ARFGEF1: variants seen among roughly 807,000 people sequenced by gnomAD.
ARFGEF1 encodes the protein brefeldin A-inhibited guanine nucleotide-exchange protein 1.
ARFGEF1 carries 42 observed loss-of-function variants against 231.0 expected under a neutral mutation model. That is an observed-to-expected ratio of 0.18 (90% CI 0.14 to 0.24). ARFGEF1 has a LOEUF of 0.24. Among genes scored for constraint, ARFGEF1 ranks in the 10% least tolerant of loss-of-function variants. The pLI, the probability that ARFGEF1 is intolerant of heterozygous loss-of-function variation, is 1.00. For missense variants in ARFGEF1, 1,345 were observed against 2,192.0 expected, an observed-to-expected ratio of 0.61 and a Z score of 7.72; for synonymous variants, 710 against 732.3, an observed-to-expected ratio of 0.97 and a Z score of 0.49.
intron 26 of ARFGEF1, 50 bp from the exon 27 acceptor site, chr8:67,227,359 C>G (rs772737936): frequency 6.3e-7 from 1 of 1,596,438 alleles, no homozygotes; most frequent in South Asian, 1.1e-5. Flanking sequence ...TAAAACTCAT[C>G]AGTTTTTCCC....
intron 19 of ARFGEF1, among the ~76,000 whole-genome samples, chr8:67,245,290 C>A (rs1840069890): frequency 6.6e-6 from 1 of 150,394 alleles, no homozygotes; most frequent in African/African-American, 2.5e-5. Context: ...GTACACAACT[C>A]ACTGGTTATA....
At chr8:67,230,324 T>C (rs1839513683) in intron 23 of ARFGEF1, among the ~76,000 whole-genome samples, 1 of 152,106 alleles carries the variant, frequency 6.6e-6, no homozygotes. Flanking sequence ...ATCATGTGCT[T>C]TTTAAAAAGC....
At chr8:67,223,140 TG>T (rs1839258293) in intron 29 of ARFGEF1, among the ~76,000 whole-genome samples, 2 of 152,216 alleles carry the variant, frequency 1.3e-5, no homozygotes, top group Admixed American at 1.3e-4. Context: ...TAGAGAATTT[TG>T]GAAGAATTAA....
rs1011769256 is a variant in ARFGEF1 at position 67,335,666 on chromosome 8, A to C, written c.124+7498T>G. 3.9e-5 allele frequency among the ~76,000 whole-genome samples: 6 copies of C among 152,318 alleles called. No individual in the cohort carries two copies. The East Asian group carries it at 1.2e-3, about 29-fold the overall frequency. On this transcript the variant is annotated intron_variant, in intron 1 of 38. Transcript: ENST00000262215. Reference sequence around the variant, plus strand: ...CTGATTAAATGAAGTCTCAATGTACACATTTTTGTTAAGAAAAATTAATAG... The same window carrying C: ...CTGATTAAATGAAGTCTCAATGTACCCATTTTTGTTAAGAAAAATTAATAG...
chr8:67,337,256 G>C (rs1039150699), intron 1 of ARFGEF1, among the ~76,000 whole-genome samples: 3 of 150,876 alleles, frequency 2.0e-5, no homozygotes, highest in Non-Finnish European at 4.4e-5. Context: ...ACATATAAAA[G>C]GCAGGATGAA....
intron 29 of ARFGEF1, among the ~76,000 whole-genome samples, chr8:67,224,412 A>C (rs1276467303): frequency 6.6e-6 from 1 of 152,196 alleles, no homozygotes; most frequent in East Asian, 1.9e-4. Context: ...GTTCATAATG[A>C]TCTTTTATTG....
chr8:67,257,142 G>A (rs1180337281), intron 17 of ARFGEF1, among the ~76,000 whole-genome samples: 4 of 151,858 alleles, frequency 2.6e-5, no homozygotes, highest in African/African-American at 7.3e-5. Context: ...GCAGTGACAC[G>A]ATCTCAGCTC....
chr8:67,251,515 T>A, intron 18 of ARFGEF1, 65 bp from the exon 19 acceptor site: 2 of 1,377,872 alleles, frequency 1.5e-6, no homozygotes, highest in Non-Finnish European at 1.9e-6. Flanking sequence ...TTTGATATTT[T>A]ACTATCAAAT....
chr8:67,266,243 A>G (rs112534418), intron 13 of ARFGEF1, 36 bp from the exon 14 acceptor site: 21,117 of 1,550,676 alleles, frequency 0.014, 539 homozygotes, highest in African/African-American at 0.045. Flanking sequence ...ACATTATTCT[A>G]TCAAAGAAAA....
At chr8:67,319,420 T>C (rs1162892714) in intron 1 of ARFGEF1, among the ~76,000 whole-genome samples, 3 of 152,026 alleles carry the variant, frequency 2.0e-5, no homozygotes, top group Non-Finnish European at 4.4e-5. Flanking sequence ...AGATGATTAA[T>C]TTTTGACAAA....
At chr8:67,261,830 CTTTTTTTTTTTTT>C (rs34170422) in intron 14 of ARFGEF1, among the ~76,000 whole-genome samples, 1 of 118,006 alleles carries the variant, frequency 8.5e-6, no homozygotes, top group Admixed American at 8.7e-5. Context: ...AATTTCAAGT[CTTTTTTTTTTTTT>C]TTTTTTTTTA....
chr8:67,219,617 A>G, intron 29 of ARFGEF1, 57 bp from the exon 30 acceptor site: 2 of 1,516,720 alleles, frequency 1.3e-6, no homozygotes, highest in Non-Finnish European at 1.8e-6. Context: ...ACTTCTCCTA[A>G]AATAGTTTTT....
At chr8:67,241,277 C>A (rs1839918346) in intron 19 of ARFGEF1, among the ~76,000 whole-genome samples, 1 of 152,120 alleles carries the variant, frequency 6.6e-6, no homozygotes, top group Admixed American at 6.5e-5. Context: ...TCTCTCTGAA[C>A]CTCACTTTTC....
chr8:67,234,303 A>C (rs976603399), intron 22 of ARFGEF1, among the ~76,000 whole-genome samples: 4 of 152,192 alleles, frequency 2.6e-5, no homozygotes, highest in African/African-American at 9.6e-5. Context: ...ATGCAATGTA[A>C]TGACTACTTC....
chr8:67,196,932 AAGAG>A (rs1449480309), downstream of ARFGEF1, among the ~76,000 whole-genome samples: 2 of 151,946 alleles, frequency 1.3e-5, no homozygotes, highest in Non-Finnish European at 2.9e-5. Context: ...TTCATTATCT[AAGAG>A]AGGTGTGAAA....
chr8:67,324,642 T>C (rs1807746909), intron 1 of ARFGEF1, among the ~76,000 whole-genome samples: 1 of 152,228 alleles, frequency 6.6e-6, no homozygotes, highest in African/African-American at 2.4e-5. Flanking sequence ...ATTTATCAAT[T>C]CTAACATCTA....
Position 67,244,230 on chromosome 8 carries a change from G to C in ARFGEF1, c.2851-3940C>G, listed in dbSNP as rs185031074. Reference sequence around the variant, plus strand: ...TGCACTCCAGCCTGGGCGACAAAGCGAGACTCCACCTCAAAAAAAAAAAAA... The same window carrying C: ...TGCACTCCAGCCTGGGCGACAAAGCCAGACTCCACCTCAAAAAAAAAAAAA... On this transcript the variant is annotated intron_variant, in intron 19 of 38. Coordinates refer to ENST00000262215, the MANE Select transcript of ARFGEF1 (RefSeq NM_006421.5). Among the ~76,000 whole-genome samples the C allele has an allele frequency of 7.7e-5, 8 of 103,450 alleles. No individual in the cohort carries two copies. The Admixed American group carries it at 7.8e-4, about 10-fold the overall frequency. 67.9% of individuals were successfully genotyped at this position (103,450 alleles called of 152,430 possible). A position where few individuals can be genotyped will look rare whatever the true frequency, so the allele number is the denominator to read the frequency against.
chr8:67,343,637 GA>G lies in ARFGEF1; in HGVS notation c.-351del. On this transcript the variant is annotated 5_prime_UTR_variant, in exon 1 of 39. Transcript: ENST00000262215. ...CCCGGCCCGGGCGGCTGTCTGCCGG[GA>G]ACTGAGGGACGAGGTGGCGGCGGCT... 1 of 1,022,214 alleles carries G rather than the reference GA, an allele frequency of 9.8e-7. No homozygotes were observed. The highest frequency in any genetic ancestry group is 1.2e-6 in the Non-Finnish European group (1 of 853,384). 63.3% of individuals were successfully genotyped at this position (1,022,214 alleles called of 1,614,324 possible). A position where few individuals can be genotyped will look rare whatever the true frequency, so the allele number is the denominator to read the frequency against.
chr8:67,273,007 T>C (rs1328620372), intron 9 of ARFGEF1, among the ~76,000 whole-genome samples: 2 of 152,020 alleles, frequency 1.3e-5, no homozygotes, highest in African/African-American at 4.8e-5. Context: ...CTCGGGAGGC[T>C]GAGGCAGGAG....
Sources: gnomAD v4.1 joint callset for allele counts (sites outside exome capture counted in the v4.1 genomes callset) on GRCh38, gnomAD v4.1.1 for gene constraint, MANE v1.5 for transcripts, NCBI Gene and HGNC (gene_info 2026-07-23, HGNC 2026-07-21) for gene names.